The following DRAXIN variants were observed in gnomAD, a reference collection of about 807,000 sequenced individuals.
The protein encoded by DRAXIN is dorsal inhibitory axon guidance protein.
Under a neutral mutation model 33.9 loss-of-function variants are expected in DRAXIN, and 27 were observed. The ratio of observed to expected loss-of-function variants is 0.80; its 90% CI spans 0.59 to 1.10. DRAXIN has a LOEUF of 1.10. Among genes scored for constraint, DRAXIN ranks in the 50% least tolerant of loss-of-function variants. The pLI, the probability that DRAXIN is intolerant of heterozygous loss-of-function variation, is 0.00. For synonymous variants in DRAXIN, 178 were observed against 194.0 expected (o/e 0.92, Z 0.69); for missense variants, 371 against 460.8 (o/e 0.81, Z 1.78).
intron 3 of DRAXIN, among the ~76,000 whole-genome samples, chr1:11,709,951 C>T (rs1234725044): frequency 6.6e-6 from 1 of 152,086 alleles, no homozygotes; most frequent in Non-Finnish European, 1.5e-5. Context: ...CTTAGGGAGG[C>T]CAAGGTGGGC....
intron 1 of DRAXIN, among the ~76,000 whole-genome samples, chr1:11,698,086 G>A (rs1641219127): frequency 6.6e-6 from 1 of 151,910 alleles, no homozygotes; most frequent in African/African-American, 2.4e-5. Context: ...CCACACAGAA[G>A]CACTGACTTC....
chr1:11,703,314 G>A (rs919760468), intron 1 of DRAXIN, among the ~76,000 whole-genome samples: 2 of 152,220 alleles, frequency 1.3e-5, no homozygotes, highest in African/African-American at 4.8e-5. Context: ...CTGGAGGAAG[G>A]GACATTTGGG....
Position 11,715,105 on chromosome 1 carries a change from C to G in DRAXIN, c.848-14C>G. On this transcript the variant is annotated splice_polypyrimidine_tract_variant and intron_variant, in intron 5 of 6. Coordinates refer to ENST00000294485, the MANE Select transcript of DRAXIN (RefSeq NM_198545.4). ...CTCAGCTTGGCTGACTGCGTGTGCT[C>G]TCTGTGTTGGCAGGGACTTGCTGCG... is the stretch of plus-strand genomic sequence containing the variant. 1 of 1,614,174 alleles carries G rather than the reference C, an allele frequency of 6.2e-7. No individual in the cohort carries two copies. The highest frequency in any genetic ancestry group is 8.5e-7 in the Non-Finnish European group (1 of 1,180,012).
rs573974050 is a variant in DRAXIN at position 11,692,361 on chromosome 1, C to T, written c.-11+508C>T. Among the ~76,000 whole-genome samples, 14 of 152,324 alleles carry T rather than the reference C, an allele frequency of 9.2e-5. No individual in the cohort carries two copies. Among genetic ancestry groups the T allele is most frequent in the African/African-American group, 3.1e-4 (13 of 41,586 alleles). ...GGCGGGCGTGCCCTCCAGCCCCTTT[C>T]GAGGCCGCCCAGGAGGCTGGGGTGT... is the stretch of plus-strand genomic sequence containing the variant. On this transcript the variant is annotated intron_variant, in intron 1 of 6. Coordinates refer to ENST00000294485, the MANE Select transcript of DRAXIN (RefSeq NM_198545.4). The surrounding 1 kb of genome is among the most constrained non-coding windows in gnomAD (Gnocchi z 5.8).
At chr1:11,709,987 C>T (rs909409101) in intron 3 of DRAXIN, among the ~76,000 whole-genome samples, 17 of 151,924 alleles carry the variant, frequency 1.1e-4, no homozygotes, top group Non-Finnish European at 1.9e-4. Flanking sequence ...GAGTTCGAGA[C>T]CAGCCTGGCC....
chr1:11,718,074 T>C (rs12743253), intron 6 of DRAXIN, among the ~76,000 whole-genome samples: 59,178 of 132,406 alleles, frequency 0.45, 14,660 homozygotes, highest in African/African-American at 0.69. Context: ...GAGGCGGAGG[T>C]GGGCAGATCA....
intron 1 of DRAXIN, among the ~76,000 whole-genome samples, chr1:11,698,509 A>G (rs1341501301): frequency 6.6e-6 from 1 of 152,178 alleles, no homozygotes; most frequent in Non-Finnish European, 1.5e-5. Flanking sequence ...GGAAGTGTCC[A>G]TGTGAGTGAT....
Position 11,694,480 on chromosome 1 carries a change from C to A in DRAXIN, c.-11+2627C>A, listed in dbSNP as rs1472864992. On this transcript the variant is annotated intron_variant, in intron 1 of 6. Transcript: ENST00000294485. This position sits in a 1 kb window ranked among gnomAD's most constrained non-coding sequence, Gnocchi z 4.9. Reference sequence around the variant, plus strand: ...AGGGGTAGAAACTGAGACCAGAGAACGAAGTGGCTCACCCCAGCCGTGCAG... The same window carrying A: ...AGGGGTAGAAACTGAGACCAGAGAAAGAAGTGGCTCACCCCAGCCGTGCAG... 6.6e-6 allele frequency among the ~76,000 whole-genome samples: 1 copy of A among 152,046 alleles called. No homozygotes were observed. Among genetic ancestry groups the A allele is most frequent in the African/African-American group, 2.4e-5 (1 of 41,372 alleles).
rs764295506 is a variant in DRAXIN, at chr1:11,696,816, C to T, written c.-11+4963C>T. Among the ~76,000 whole-genome samples, 11 of 150,948 alleles carry T rather than the reference C, an allele frequency of 7.3e-5. No individual in the cohort carries two copies. Among genetic ancestry groups the T allele is most frequent in the African/African-American group, 2.2e-4 (9 of 41,014 alleles). On this transcript the variant is annotated intron_variant, in intron 1 of 6. Coordinates refer to ENST00000294485, the MANE Select transcript of DRAXIN (RefSeq NM_198545.4). This position sits in a 1 kb window ranked among gnomAD's most constrained non-coding sequence, Gnocchi z 4.7. ...CCTCCTGGTTTCAGTGAGCCAAGAT[C>T]GCGCCACTGCACTCCAGCCTGGTGA...
intron 6 of DRAXIN, among the ~76,000 whole-genome samples, chr1:11,716,046 T>A (rs576048406): frequency 6.6e-6 from 1 of 152,324 alleles, no homozygotes; most frequent in Non-Finnish European, 1.5e-5. Context: ...TTTTTGTATT[T>A]CTGGTAGAGG....
chr1:11,712,111 C>A, intron 4 of DRAXIN, 146 bp downstream of exon 4: 1 of 871,824 alleles, frequency 1.1e-6, no homozygotes, highest in Non-Finnish European at 1.8e-6. Flanking sequence ...GGAGCCTAAC[C>A]TGGAAACACC....
At chr1:11,710,758 CAAAA>C (rs1222886420) in intron 3 of DRAXIN, among the ~76,000 whole-genome samples, 1 of 105,262 alleles carries the variant, frequency 9.5e-6, no homozygotes, top group Non-Finnish European at 2.0e-5. Flanking sequence ...ACTAAAAATA[CAAAA>C]AAAAAAAAAA....
chr1:11,714,321 G>T (rs1050091616), intron 5 of DRAXIN, among the ~76,000 whole-genome samples: 1 of 152,228 alleles, frequency 6.6e-6, no homozygotes, highest in South Asian at 2.1e-4. Context: ...ATCATGCACC[G>T]GATGGGCGCT....
Position 11,691,773 on chromosome 1 carries a change from C to T in DRAXIN, c.-91C>T, listed in dbSNP as rs1482158704. 2.6e-5 allele frequency: 4 copies of T among 151,648 alleles called. No homozygotes were observed. Among genetic ancestry groups the T allele is most frequent in the East Asian group, 3.9e-4 (2 of 5,078 alleles). The allele number at this position is 151,648 out of a possible 1,614,324, so 9.4% of individuals were successfully genotyped here. ...GCACCTCTCCACGCCGGCCCCGTTC[C>T]GCGGCTCGCCCTCGGCTGCGCTCGG... On this transcript the variant is annotated 5_prime_UTR_variant, in exon 1 of 7. Coordinates refer to ENST00000294485, the MANE Select transcript of DRAXIN (RefSeq NM_198545.4).
At chr1:11,702,491 C>A (rs1334678651) in intron 1 of DRAXIN, among the ~76,000 whole-genome samples, 1 of 151,706 alleles carries the variant, frequency 6.6e-6, no homozygotes, top group Non-Finnish European at 1.5e-5. Context: ...CATATTCATG[C>A]TCTCACATGA....
At position 11,706,618 on chromosome 1, in the gene DRAXIN, C is replaced by G. The variant is rs369566278; in HGVS notation, c.360C>G (p.Pro120=). Residue 120 remains proline, a synonymous_variant, in exon 2 of 7, where the codon CCC becomes CCG. Transcript: ENST00000294485. The surrounding 1 kb of genome is among the most constrained non-coding windows in gnomAD (Gnocchi z 5.5). ...TCCTGGGACTGGCATTGCCCTACCC[C>G]GAGAAGGAGAACCGACCTCCAGGTT... ...DLLLGLALPY[P]EKENRPPGWE... 6.2e-7 allele frequency: 1 copy of G among 1,602,012 alleles called. No homozygotes were observed. Among genetic ancestry groups the G allele is most frequent in the Non-Finnish European group, 8.5e-7 (1 of 1,179,520 alleles).
chr1:11,695,448 G>A (rs745736680), intron 1 of DRAXIN, among the ~76,000 whole-genome samples: 12 of 151,768 alleles, frequency 7.9e-5, no homozygotes, highest in Non-Finnish European at 1.5e-4. Flanking sequence ...TAGCTGGGAA[G>A]TGTGGTGCAC....
intron 3 of DRAXIN, among the ~76,000 whole-genome samples, chr1:11,710,107 C>T (rs997900602): frequency 6.6e-6 from 1 of 150,480 alleles, no homozygotes; most frequent in Non-Finnish European, 1.5e-5. Context: ...ATCGCTTGAA[C>T]TTGGGAGGCG....
In DRAXIN at chr1:11,715,137, G is replaced by A. The variant is rs771449128; in HGVS notation, c.866G>A (p.Arg289Gln). The A allele has an allele frequency of 6.7e-5, 108 of 1,614,096 alleles. No homozygotes were observed. In the East Asian group the frequency reaches 1.9e-3, roughly 29 times the overall value. ...DCLPGTCCDL[R>Q]EHLCTPHNRG... is the part of the protein sequence containing the mutation. Reference sequence around the variant, plus strand: ...TTGGCAGGGACTTGCTGCGACCTGCGGGAGCATCTCTGCACACCCCACAAC... The same window carrying A: ...TTGGCAGGGACTTGCTGCGACCTGCAGGAGCATCTCTGCACACCCCACAAC... The change falls in exon 6 of 7, where the codon CGG becomes CAG. Residue 289 changes from arginine to glutamine, a missense_variant. Arg to Gln is a conservative substitution (Grantham distance 43, BLOSUM62 1). Transcript: ENST00000294485.
Sources: gnomAD v4.1 joint callset for allele counts (sites outside exome capture counted in the v4.1 genomes callset) on GRCh38, gnomAD v4.1.1 for gene constraint, Gnocchi (gnomAD v3.1) non-coding constraint, MANE v1.5 for transcripts, NCBI Gene and HGNC (gene_info 2026-07-23, HGNC 2026-07-21) for gene names.